The following EPHA6 variants were observed in gnomAD, a reference collection of about 807,000 sequenced individuals.
The protein encoded by EPHA6 is EPH receptor A6.
In EPHA6, 50 loss-of-function variants were observed where a neutral mutation model predicts 112.0. The observed-to-expected ratio is 0.45, with a 90% confidence interval of 0.36 to 0.56. The LOEUF is 0.56. EPHA6 is among the 20% of genes least tolerant of loss of function. The pLI, the probability that EPHA6 is intolerant of heterozygous loss-of-function variation, is 0.00. For synonymous variants in EPHA6, 529 were observed against 490.7 expected (o/e 1.08, Z -1.03); for missense variants, 1,280 against 1,417.4 (o/e 0.90, Z 1.56).
intron 2 of EPHA6, among the ~76,000 whole-genome samples, chr3:96,977,967 T>G (rs2042600002): frequency 6.6e-6 from 1 of 152,264 alleles, no homozygotes; most frequent in Non-Finnish European, 1.5e-5. Flanking sequence ...GAGACCAGCC[T>G]GGGCAACATG....
At chr3:96,875,102 T>C (rs965710157) in intron 2 of EPHA6, among the ~76,000 whole-genome samples, 3 of 152,068 alleles carry the variant, frequency 2.0e-5, no homozygotes, top group Non-Finnish European at 4.4e-5. Flanking sequence ...GGCTGCCAGA[T>C]TGTAAATACA....
intron 15 of EPHA6, among the ~76,000 whole-genome samples, chr3:97,720,711 C>T (rs1186336911): frequency 1.3e-5 from 2 of 152,088 alleles, no homozygotes; most frequent in African/African-American, 4.8e-5. Flanking sequence ...ACAAGTAAGA[C>T]AAAAGAAAGA....
intron 3 of EPHA6, among the ~76,000 whole-genome samples, chr3:97,196,434 T>C (rs1178477250): frequency 6.6e-6 from 1 of 152,068 alleles, no homozygotes; most frequent in Non-Finnish European, 1.5e-5. Flanking sequence ...CCATTTTGAA[T>C]TGTCTGTCTG....
At chr3:97,306,293 C>CTTT (rs5851061) in intron 5 of EPHA6, among the ~76,000 whole-genome samples, 5 of 124,808 alleles carry the variant, frequency 4.0e-5, no homozygotes, top group African/African-American at 1.1e-4. Context: ...TCAGGGCCCT[C>CTTT]TTTTTTTTTT....
chr3:97,521,731 G>A (rs912314308), intron 10 of EPHA6, among the ~76,000 whole-genome samples: 4 of 152,058 alleles, frequency 2.6e-5, no homozygotes, highest in African/African-American at 7.2e-5. Context: ...CTGTGGTGGC[G>A]GAATTAGGTT....
At chr3:97,027,356 G>A (rs891798053) in intron 3 of EPHA6, among the ~76,000 whole-genome samples, 3 of 151,932 alleles carry the variant, frequency 2.0e-5, no homozygotes, top group Non-Finnish European at 4.4e-5. Context: ...TTAATACCTC[G>A]GTGATGAAAT....
intron 1 of EPHA6, among the ~76,000 whole-genome samples, chr3:96,864,141 C>A (rs1381416347): frequency 6.6e-6 from 1 of 151,984 alleles, no homozygotes; most frequent in African/African-American, 2.4e-5. Flanking sequence ...AATTTCACAG[C>A]AGTCAGTTTT....
intron 3 of EPHA6, among the ~76,000 whole-genome samples, chr3:97,079,456 A>C (rs2046646866): frequency 6.6e-6 from 1 of 151,928 alleles, no homozygotes; most frequent in African/African-American, 2.4e-5. Context: ...AGAGGGTGGA[A>C]GGTGGGAGGA....
intron 3 of EPHA6, among the ~76,000 whole-genome samples, chr3:97,170,317 A>G (rs1285935531): frequency 3.9e-5 from 6 of 152,192 alleles, no homozygotes; most frequent in Non-Finnish European, 4.4e-5. Context: ...TCCATGTTTT[A>G]TGACTGAAAG....
chr3:97,366,261 A>G (rs1012433681), intron 5 of EPHA6, among the ~76,000 whole-genome samples: 4 of 152,100 alleles, frequency 2.6e-5, no homozygotes, highest in East Asian at 1.9e-4. Context: ...ACTTTCTTGT[A>G]TACTAATAAA....
At chr3:97,480,658 ATC>A (rs1415535903) in intron 9 of EPHA6, among the ~76,000 whole-genome samples, 11 of 152,178 alleles carry the variant, frequency 7.2e-5, no homozygotes, top group Non-Finnish European at 1.6e-4. Flanking sequence ...TAACAATCTG[ATC>A]TCTCTTTCTT....
intron 6 of EPHA6, among the ~76,000 whole-genome samples, chr3:97,435,179 T>G (rs1359496138): frequency 6.6e-6 from 1 of 152,130 alleles, no homozygotes; most frequent in Non-Finnish European, 1.5e-5. Context: ...AAGAATGTAA[T>G]AGAATTTACA....
intron 2 of EPHA6, among the ~76,000 whole-genome samples, chr3:96,903,186 G>A (rs1349759571): frequency 6.6e-6 from 1 of 152,116 alleles, no homozygotes; most frequent in East Asian, 1.9e-4. Context: ...GTTCTTGGGA[G>A]AGGTGTAATA....
intron 14 of EPHA6, among the ~76,000 whole-genome samples, chr3:97,716,963 C>A (rs2034268350): frequency 6.6e-6 from 1 of 152,112 alleles, no homozygotes; most frequent in Non-Finnish European, 1.5e-5. Context: ...GTAATCCCAG[C>A]ACTTTGGGAG....
chr3:97,376,738 A>G (rs1470400815), intron 5 of EPHA6, among the ~76,000 whole-genome samples: 3 of 152,212 alleles, frequency 2.0e-5, no homozygotes, highest in African/African-American at 7.2e-5. Flanking sequence ...AGGGATTTAT[A>G]CTCAACAGAA....
chr3:97,485,281 C>T (rs779535821), intron 10 of EPHA6, among the ~76,000 whole-genome samples: 7 of 152,126 alleles, frequency 4.6e-5, no homozygotes, highest in Non-Finnish European at 1.0e-4. Flanking sequence ...CCCAGTATAC[C>T]CTGAAATATA....
At position 96,896,596 on chromosome 3, in the gene EPHA6, C is replaced by T. The variant is rs540674676; in HGVS notation, c.450+29707C>T. 7.2e-5 allele frequency among the ~76,000 whole-genome samples: 11 copies of T among 152,248 alleles called. No homozygotes were observed. In the East Asian group the frequency reaches 1.4e-3, roughly 19 times the overall value. On this transcript the variant is annotated intron_variant, in intron 2 of 17. Coordinates refer to ENST00000389672, the MANE Select transcript of EPHA6 (RefSeq NM_001080448.3). ...AGCCTGTGGCATCAGGTCTCCATCA[C>T]GTTGCATTGGTGTTACTTTTCTTCT...
At chr3:97,345,825 A>G (rs1170003239) in intron 5 of EPHA6, among the ~76,000 whole-genome samples, 2 of 152,114 alleles carry the variant, frequency 1.3e-5, no homozygotes. Context: ...TTTAGTAGCT[A>G]TAGCTGCTTG....
chr3:97,305,510 G>A (rs915519228), intron 5 of EPHA6, among the ~76,000 whole-genome samples: 19 of 151,820 alleles, frequency 1.3e-4, no homozygotes, highest in African/African-American at 1.2e-4. Context: ...AATGTGGTAC[G>A]TATACACCAT....
Sources: gnomAD v4.1 joint callset for allele counts (sites outside exome capture counted in the v4.1 genomes callset) on GRCh38, gnomAD v4.1.1 for gene constraint, MANE v1.5 for transcripts, NCBI Gene and HGNC (gene_info 2026-07-23, HGNC 2026-07-21) for gene names.